The following PTPRD variants were observed in gnomAD, a reference collection of about 807,000 sequenced individuals.
The protein encoded by PTPRD is protein tyrosine phosphatase receptor type D, also known as receptor-type tyrosine-protein phosphatase delta.
PTPRD carries 34 observed loss-of-function variants against 214.5 expected under a neutral mutation model. The observed-to-expected ratio is 0.16, with a 90% confidence interval of 0.12 to 0.21. PTPRD has a LOEUF of 0.21. Ranked by LOEUF, PTPRD falls within the 10% of genes least tolerant of loss-of-function variation. The pLI is 1.00. For synonymous variants in PTPRD, 1,128 were observed against 845.7 expected, an observed-to-expected ratio of 1.33 and a Z score of -5.79; for missense variants, 2,545 against 2,398.7, an observed-to-expected ratio of 1.06 and a Z score of -1.27.
rs770720102 is a variant in PTPRD, at chr9:8,781,177, G to T, written c.-103-47231C>A. Among the ~76,000 whole-genome samples the T allele has an allele frequency of 1.7e-4, 26 of 152,138 alleles. 1 individual carries two copies. The highest frequency in any genetic ancestry group is 6.0e-4 in the African/African-American group (25 of 41,424). On this transcript the variant is annotated intron_variant, in intron 11 of 45. Coordinates refer to ENST00000381196, the MANE Select transcript of PTPRD (RefSeq NM_002839.4). ...GCCTTGGTACCACTTCAAGACTGAA[G>T]GAATGATACAAGAAAGAGAATTTAT...
chr9:10,246,701 C>T (rs2092160533), intron 3 of PTPRD, among the ~76,000 whole-genome samples: 1 of 151,748 alleles, frequency 6.6e-6, no homozygotes. Context: ...GTGCCTGGTA[C>T]TCTTTACGTA....
chr9:10,471,816 G>C (rs1471831906), intron 2 of PTPRD, among the ~76,000 whole-genome samples: 2 of 151,896 alleles, frequency 1.3e-5, no homozygotes, highest in Admixed American at 1.3e-4. Flanking sequence ...ATCAATTTTA[G>C]CTTTAAAATG....
intron 44 of PTPRD, among the ~76,000 whole-genome samples, chr9:8,329,484 C>T (rs146809463): frequency 2.2e-3 from 339 of 152,240 alleles, no homozygotes; most frequent in African/African-American, 7.5e-3. Flanking sequence ...AGTCAGGATA[C>T]ATGGGGGTCA....
chr9:9,535,228 T>G (rs2076273845), intron 8 of PTPRD, among the ~76,000 whole-genome samples: 1 of 152,122 alleles, frequency 6.6e-6, no homozygotes, highest in Non-Finnish European at 1.5e-5. Flanking sequence ...GATTCATTTT[T>G]GAAAACTTTG....
At chr9:9,840,384 G>C (rs894837967) in intron 5 of PTPRD, among the ~76,000 whole-genome samples, 1 of 150,528 alleles carries the variant, frequency 6.6e-6, no homozygotes, top group Non-Finnish European at 1.5e-5. Context: ...AATAGACTTT[G>C]TTTTTTTCCA....
intron 21 of PTPRD, among the ~76,000 whole-genome samples, chr9:8,516,513 A>G (rs891349492): frequency 6.6e-6 from 1 of 152,230 alleles, no homozygotes; most frequent in Non-Finnish European, 1.5e-5. Context: ...CATACTTCAT[A>G]TAAAGACCAT....
chr9:9,266,617 A>G (rs1229776276), intron 9 of PTPRD, among the ~76,000 whole-genome samples: 1 of 151,322 alleles, frequency 6.6e-6, no homozygotes, highest in East Asian at 2.0e-4. Context: ...TAAGTGGTAT[A>G]AATAAGTGGA....
intron 4 of PTPRD, among the ~76,000 whole-genome samples, chr9:10,018,777 C>T (rs1445586664): frequency 6.6e-6 from 1 of 151,518 alleles, no homozygotes; most frequent in Non-Finnish European, 1.5e-5. Context: ...TCTCGATCTC[C>T]TGACCTCGTG....
intron 11 of PTPRD, among the ~76,000 whole-genome samples, chr9:9,014,512 A>T (rs1438718954): frequency 2.6e-5 from 4 of 152,174 alleles, no homozygotes; most frequent in Admixed American, 6.6e-5. Flanking sequence ...ATAAGATCAC[A>T]ATCAATCCAG....
chr9:9,339,605 T>A (rs2045983895), intron 9 of PTPRD, among the ~76,000 whole-genome samples: 1 of 152,192 alleles, frequency 6.6e-6, no homozygotes, highest in Non-Finnish European at 1.5e-5. Flanking sequence ...ATTTACTGAA[T>A]AAATTAAATG....
At chr9:9,654,997 A>G (rs1163653750) in intron 7 of PTPRD, among the ~76,000 whole-genome samples, 4 of 146,924 alleles carry the variant, frequency 2.7e-5, no homozygotes. Context: ...TGAAGCATAT[A>G]TATATATAGA....
At chr9:9,052,207 G>A (rs983737030) in intron 10 of PTPRD, among the ~76,000 whole-genome samples, 2 of 152,066 alleles carry the variant, frequency 1.3e-5, no homozygotes, top group Admixed American at 1.3e-4. Context: ...TATTTTATTA[G>A]GATACAATCC....
At chr9:9,235,354 G>C (rs2099965911) in intron 9 of PTPRD, among the ~76,000 whole-genome samples, 1 of 152,140 alleles carries the variant, frequency 6.6e-6, no homozygotes, top group East Asian at 1.9e-4. Context: ...CACCATATCA[G>C]AGGCCAAGAA....
intron 7 of PTPRD, among the ~76,000 whole-genome samples, chr9:9,661,642 T>A (rs1331723960): frequency 1.3e-5 from 2 of 151,852 alleles, no homozygotes; most frequent in African/African-American, 4.8e-5. Flanking sequence ...CAAAAAAGTA[T>A]GTCTAATTTG....
chr9:9,277,523 T>G (rs567957617), intron 9 of PTPRD, among the ~76,000 whole-genome samples: 2 of 151,346 alleles, frequency 1.3e-5, no homozygotes, highest in Non-Finnish European at 3.0e-5. Flanking sequence ...TGCTTAATTT[T>G]TATATATGAT....
intron 2 of PTPRD, among the ~76,000 whole-genome samples, chr9:10,603,247 C>A (rs1367006748): frequency 1.3e-5 from 2 of 151,796 alleles, no homozygotes; most frequent in Non-Finnish European, 2.9e-5. Flanking sequence ...CACTCAGAAG[C>A]ATTTGTGCCA....
At chr9:8,725,589 G>C (rs1237652819) in intron 12 of PTPRD, among the ~76,000 whole-genome samples, 1 of 152,054 alleles carries the variant, frequency 6.6e-6, no homozygotes, top group African/African-American at 2.4e-5. Context: ...TTCTAATTTG[G>C]AAATGACACA....
chr9:10,483,665 G>GA (rs368253773), intron 2 of PTPRD, among the ~76,000 whole-genome samples: 2 of 151,766 alleles, frequency 1.3e-5, no homozygotes, highest in South Asian at 4.2e-4. Flanking sequence ...ACAAACATAT[G>GA]AAAAAAAAGC....
intron 7 of PTPRD, among the ~76,000 whole-genome samples, chr9:9,707,419 T>TA (rs1310979956): frequency 6.6e-6 from 1 of 152,160 alleles, no homozygotes; most frequent in Non-Finnish European, 1.5e-5. Flanking sequence ...CCCTCTCTAA[T>TA]AGAACTTATA....
Sources: allele counts gnomAD v4.1 joint callset (sites outside exome capture counted in the v4.1 genomes callset), GRCh38; gene constraint gnomAD v4.1.1; transcripts MANE v1.5; gene names NCBI Gene and HGNC (gene_info 2026-07-23, HGNC 2026-07-21).